Variants in MYO3B observed in about 807,000 individuals in gnomAD.
The protein encoded by MYO3B is myosin IIIB, also known as myosin-IIIb.
A neutral mutation model predicts 174.6 loss-of-function variants in MYO3B; 156 were observed. The ratio of observed to expected loss-of-function variants is 0.89; its 90% CI spans 0.78 to 1.02. The LOEUF is 1.02. Among genes scored for constraint, MYO3B ranks in the 50% least tolerant of loss-of-function variants. MYO3B has a pLI of 0.00. For synonymous variants in MYO3B, 563 were observed against 569.1 expected (o/e 0.99, Z 0.15); for missense variants, 1,632 against 1,639.4 (o/e 1.00, Z 0.08).
In MYO3B at chr2:170,230,004, T is replaced by A. The variant is rs191827559; in HGVS notation, c.604-5987T>A. Among the ~76,000 whole-genome samples the A allele has an allele frequency of 1.3e-3, 193 of 152,236 alleles. 2 individuals carry two copies. Among genetic ancestry groups the A allele is most frequent in the South Asian group, 2.5e-3 (12 of 4,800 alleles). Reference sequence around the variant, plus strand: ...AAGGGAATTTCATTTGTAAAACTGATTAAAAAAAATCTGCCACTGGAATAG... The same window carrying A: ...AAGGGAATTTCATTTGTAAAACTGAATAAAAAAAATCTGCCACTGGAATAG... On this transcript the variant is annotated intron_variant, in intron 6 of 34. Coordinates refer to ENST00000408978, the MANE Select transcript of MYO3B (RefSeq NM_138995.5).
chr2:170,273,577 C>T (rs531198373), intron 7 of MYO3B, among the ~76,000 whole-genome samples: 1 of 152,228 alleles, frequency 6.6e-6, no homozygotes, highest in African/African-American at 2.4e-5. Context: ...TTATGTTTAA[C>T]ACATACTGTA....
At chr2:170,217,108 A>T (rs2092837557) in intron 5 of MYO3B, among the ~76,000 whole-genome samples, 1 of 152,050 alleles carries the variant, frequency 6.6e-6, no homozygotes, top group Non-Finnish European at 1.5e-5. Context: ...TCTATAAATA[A>T]AGTTTTATTG....
In MYO3B at chr2:170,178,332, C is replaced by CT. The variant is rs199976258; in HGVS notation, c.2+46dup. ...TCCTTCCAGCTTTCTTCTGTGCTTG[C>CT]TTTAGATTGTTTTTCTGCAAAGGGC... On this transcript the variant is annotated intron_variant, in intron 1 of 34. Transcript: ENST00000408978. 1.5e-3 allele frequency: 2,342 copies of CT among 1,613,884 alleles called. 36 individuals are homozygous for CT. The African/African-American group carries it at 0.027, about 18-fold the overall frequency.
At chr2:170,324,235 G>A (rs930036250) in intron 7 of MYO3B, among the ~76,000 whole-genome samples, 1 of 152,100 alleles carries the variant, frequency 6.6e-6, no homozygotes, top group South Asian at 2.1e-4. Context: ...CCCCTCACTG[G>A]CCCCTTTGCT....
At position 170,586,601 on chromosome 2, in the gene MYO3B, A is replaced by G. The variant is rs184571004; in HGVS notation, c.3733+42613A>G. Among the ~76,000 whole-genome samples the G allele has an allele frequency of 2.6e-5, 4 of 152,340 alleles. No individual in the cohort carries two copies. The East Asian group carries it at 7.7e-4, about 29-fold the overall frequency. On this transcript the variant is annotated intron_variant, in intron 32 of 34. Transcript: ENST00000408978. ...TTTATTTTTCTGGCAACAGAGATACATGACCCAAAGAAATGGCTCATTATT... is the reference window on the plus strand; with the variant it reads ...TTTATTTTTCTGGCAACAGAGATACGTGACCCAAAGAAATGGCTCATTATT...
At chr2:170,445,391 G>A (rs1358751029) in intron 23 of MYO3B, among the ~76,000 whole-genome samples, 1 of 152,004 alleles carries the variant, frequency 6.6e-6, no homozygotes, top group Non-Finnish European at 1.5e-5. Context: ...GCCCAGGCTG[G>A]AGTGCAATGG....
chr2:170,323,554 C>G (rs562341628), intron 7 of MYO3B, among the ~76,000 whole-genome samples: 103 of 152,248 alleles, frequency 6.8e-4, no homozygotes, highest in African/African-American at 2.3e-3. Context: ...AATGCAGAAA[C>G]AAGATGGTTG....
intron 32 of MYO3B, among the ~76,000 whole-genome samples, chr2:170,556,722 A>G (rs950415484): frequency 2.6e-5 from 4 of 152,162 alleles, no homozygotes; most frequent in Admixed American, 2.6e-4. Flanking sequence ...GGGTTTCACC[A>G]TGTTAGCCAG....
intron 7 of MYO3B, among the ~76,000 whole-genome samples, chr2:170,253,150 A>G (rs1428684373): frequency 6.6e-6 from 1 of 152,226 alleles, no homozygotes; most frequent in Non-Finnish European, 1.5e-5. Flanking sequence ...GTAGAAGCAG[A>G]GACTCAAGGT....
intron 1 of MYO3B, 43 bp from the exon 2 acceptor site, chr2:170,199,165 G>T: frequency 7.2e-7 from 1 of 1,397,992 alleles, no homozygotes; most frequent in Non-Finnish European, 9.6e-7. Flanking sequence ...ACTGCCCCCA[G>T]TTCTGTGATC....
intron 7 of MYO3B, among the ~76,000 whole-genome samples, chr2:170,321,364 G>A (rs1017053588): frequency 1.1e-4 from 16 of 152,206 alleles, no homozygotes; most frequent in Middle Eastern, 6.8e-3. Flanking sequence ...TAAATCATGA[G>A]CTTTTTCGGG....
intron 7 of MYO3B, among the ~76,000 whole-genome samples, chr2:170,239,439 T>G (rs978322039): frequency 6.6e-6 from 1 of 152,190 alleles, no homozygotes. Context: ...TCAGTGTGGG[T>G]GGGTTCACTG....
chr2:170,499,869 G>T, intron 27 of MYO3B, 61 bp downstream of exon 27: 1 of 1,517,984 alleles, frequency 6.6e-7, no homozygotes, highest in African/African-American at 1.4e-5. Context: ...AAGTACTGGG[G>T]AATACTCAAC....
chr2:170,505,747 A>G (rs983672176), intron 28 of MYO3B, among the ~76,000 whole-genome samples: 1 of 152,204 alleles, frequency 6.6e-6, no homozygotes, highest in Non-Finnish European at 1.5e-5. Flanking sequence ...CCCTCTCTCA[A>G]AGGAGAAATG....
intron 8 of MYO3B, among the ~76,000 whole-genome samples, chr2:170,356,721 A>G (rs910166409): frequency 1.3e-5 from 2 of 152,106 alleles, no homozygotes; most frequent in African/African-American, 2.4e-5. Flanking sequence ...GTTACCTGTC[A>G]TTACATCACA....
chr2:170,525,027 C>T (rs1194162674), intron 30 of MYO3B, among the ~76,000 whole-genome samples: 2 of 152,148 alleles, frequency 1.3e-5, no homozygotes, highest in Non-Finnish European at 2.9e-5. Flanking sequence ...TCTCTACCCA[C>T]GTTGTCTCTA....
intron 25 of MYO3B, among the ~76,000 whole-genome samples, chr2:170,473,446 G>A (rs754952002): frequency 2.6e-5 from 4 of 151,690 alleles, no homozygotes; most frequent in South Asian, 2.1e-4. Context: ...GCGCCCAGCC[G>A]TTTTATCACT....
At chr2:170,551,114 G>A (rs1362638387) in intron 32 of MYO3B, among the ~76,000 whole-genome samples, 1 of 151,572 alleles carries the variant, frequency 6.6e-6, no homozygotes, top group East Asian at 1.9e-4. Context: ...TGCCCAGCCT[G>A]GTCTTGAATT....
intron 14 of MYO3B, among the ~76,000 whole-genome samples, chr2:170,389,177 G>T (rs1021139818): frequency 6.6e-6 from 1 of 152,212 alleles, no homozygotes; most frequent in Non-Finnish European, 1.5e-5. Context: ...TCACAAGGCT[G>T]TTATGAGAAT....
Sources: allele counts gnomAD v4.1 joint callset (sites outside exome capture counted in the v4.1 genomes callset), GRCh38; gene constraint gnomAD v4.1.1; transcripts MANE v1.5; gene names NCBI Gene and HGNC (gene_info 2026-07-23, HGNC 2026-07-21).